Variants in ZSWIM4 observed in about 807,000 individuals in gnomAD.
ZSWIM4 encodes zinc finger SWIM domain-containing protein 4.
A neutral mutation model predicts 102.5 loss-of-function variants in ZSWIM4; 62 were observed. The ratio of observed to expected loss-of-function variants is 0.60; its 90% CI spans 0.49 to 0.75. The LOEUF (loss-of-function observed/expected upper bound fraction) is 0.75, where lower values mean the gene tolerates loss of function less well. Among genes scored for constraint, ZSWIM4 ranks in the 30% least tolerant of loss-of-function variants. The pLI is 0.00. For synonymous variants in ZSWIM4, 652 were observed against 674.5 expected, an observed-to-expected ratio of 0.97 and a Z score of 0.52; for missense variants, 1,280 against 1,529.6, an observed-to-expected ratio of 0.84 and a Z score of 2.72.
At chr19:13,822,738 G>A (rs12104426) in intron 10 of ZSWIM4, among the ~76,000 whole-genome samples, 1,826 of 152,246 alleles carry the variant, frequency 0.012, 33 homozygotes, top group African/African-American at 0.042. Context: ...CCAGTACTTT[G>A]GGAGGCCGAG....
At chr19:13,799,957 A>T in intron 2 of ZSWIM4, 36 bp downstream of exon 2, 1 of 1,586,316 alleles carries the variant, frequency 6.3e-7, no homozygotes, top group Non-Finnish European at 8.6e-7. Flanking sequence ...TGGGGAGGCC[A>T]GGAGGTCCAT....
At chr19:13,830,163 C>G in intron 13 of ZSWIM4, 28 bp from the exon 14 acceptor site, 1 of 1,595,388 alleles carries the variant, frequency 6.3e-7, no homozygotes, top group Admixed American at 1.7e-5. Flanking sequence ...CCGCTCCTGA[C>G]GGATTTCCCT....
rs1253483475 is a variant in ZSWIM4 at position 13,802,219 on chromosome 19, G to A, written c.355+2298G>A. ...TCTCGATCTCCTGACCTAGTGATCCGCCCGCCTCAGCCTCCTACAGTGCTG... is the reference window on the plus strand; with the variant it reads ...TCTCGATCTCCTGACCTAGTGATCCACCCGCCTCAGCCTCCTACAGTGCTG... On this transcript the variant is annotated intron_variant, in intron 2 of 13. Coordinates refer to ENST00000590508, the MANE Select transcript of ZSWIM4 (RefSeq NM_001367834.3). Among the ~76,000 whole-genome samples the A allele has an allele frequency of 6.7e-3, 981 of 145,884 alleles. 9 individuals are homozygous for A. The highest frequency in any genetic ancestry group is 0.023 in the African/African-American group (910 of 39,514).
intron 11 of ZSWIM4, among the ~76,000 whole-genome samples, chr19:13,823,874 C>T (rs1204036462): frequency 6.6e-6 from 1 of 152,132 alleles, no homozygotes; most frequent in Non-Finnish European, 1.5e-5. Flanking sequence ...CCAGAGACTG[C>T]GTGACTTCAA....
chr19:13,800,042 AG>A, intron 2 of ZSWIM4, 121 bp downstream of exon 2: 2 of 746,974 alleles, frequency 2.7e-6, no homozygotes, highest in Non-Finnish European at 4.2e-6. Context: ...TCAGGCTTCG[AG>A]GCCCAGATAG....
At position 13,817,363 on chromosome 19, in the gene ZSWIM4, T is replaced by A; in HGVS notation, c.1669+10T>A. 1 of 1,608,984 alleles carries A rather than the reference T, an allele frequency of 6.2e-7. No homozygotes were observed. Among genetic ancestry groups the A allele is most frequent in the Non-Finnish European group, 8.5e-7 (1 of 1,176,326 alleles). ...CTTACCCTTTACCCAGGTACTCACATGGGGTACTCTTGGAGGAGGTGGGAC... is the reference window on the plus strand; with the variant it reads ...CTTACCCTTTACCCAGGTACTCACAAGGGGTACTCTTGGAGGAGGTGGGAC... On this transcript the variant is annotated intron_variant, in intron 8 of 13. Coordinates refer to ENST00000590508, the MANE Select transcript of ZSWIM4 (RefSeq NM_001367834.3).
chr19:13,826,257 G>A (rs1174896990), intron 12 of ZSWIM4, among the ~76,000 whole-genome samples: 1 of 152,056 alleles, frequency 6.6e-6, no homozygotes, highest in Non-Finnish European at 1.5e-5. Context: ...GCGGAGCCTG[G>A]GGGTGGGGCC....
chr19:13,797,052 A>G (rs944996502), intron 1 of ZSWIM4: 2 of 152,200 alleles, frequency 1.3e-5, no homozygotes, highest in East Asian at 1.9e-4. Context: ...GGGCCCCTTC[A>G]TTGCATGTGA....
Position 13,825,012 on chromosome 19 carries a change from G to A in ZSWIM4, c.2216-538G>A, listed in dbSNP as rs866504998. ...ACCAATGCCCTTGAGATGAGGGAGA[G>A]GTCCATAGGATCCCTAGGTGGCTTT... On this transcript the variant is annotated intron_variant, in intron 11 of 13. Coordinates refer to ENST00000590508, the MANE Select transcript of ZSWIM4 (RefSeq NM_001367834.3). This position sits in a 1 kb window ranked among gnomAD's most constrained non-coding sequence, Gnocchi z 4.6. Among the ~76,000 whole-genome samples, 10 of 151,328 alleles carry A rather than the reference G, an allele frequency of 6.6e-5. No individual in the cohort carries two copies. Among genetic ancestry groups the A allele is most frequent in the Non-Finnish European group, 1.3e-4 (9 of 67,862 alleles).
intron 2 of ZSWIM4, among the ~76,000 whole-genome samples, chr19:13,800,654 A>G (rs1439778411): frequency 3.4e-5 from 5 of 147,512 alleles, no homozygotes; most frequent in African/African-American, 7.4e-5. Context: ...TGATCCCCCC[A>G]CCTCGGCCTC....
chr19:13,814,664 G>A lies in ZSWIM4; in HGVS notation c.1330G>A (p.Val444Met), dbSNP rs373142045. ...CTACGGGCCCAGCCTCACAGGCAGC[G>A]TGGGTGGGGACAAACCGACTTTCGA... is the stretch of plus-strand genomic sequence containing the variant. The part of the protein sequence containing the change: ...DSYGPSLTGS[V>M]GGDKPTFDPQ... Residue 444 changes from valine to methionine, a missense_variant, in exon 7 of 14, where the codon GTG (valine) becomes ATG (methionine). Physicochemically the swap from Val to Met is conservative, Grantham distance 21 (BLOSUM62 1). Transcript: ENST00000590508. 3.9e-6 allele frequency: 5 copies of A among 1,276,804 alleles called. No individual in the cohort carries two copies. Among genetic ancestry groups the A allele is most frequent in the African/African-American group, 1.5e-5 (1 of 65,572 alleles). The allele number at this position is 1,276,804 out of a possible 1,614,324, so 79.1% of individuals were successfully genotyped here. A position where few individuals can be genotyped will look rare whatever the true frequency, so the allele number is the denominator to read the frequency against.
intron 10 of ZSWIM4, among the ~76,000 whole-genome samples, chr19:13,822,979 CA>C (rs113776275): frequency 0.017 from 1,869 of 112,808 alleles, 25 homozygotes; most frequent in African/African-American, 0.05. Flanking sequence ...AACTCCGTCT[CA>C]AAAAAAAAAA....
chr19:13,825,284 C>T lies in ZSWIM4; in HGVS notation c.2216-266C>T, dbSNP rs902998394. Among the ~76,000 whole-genome samples, 20 of 152,248 alleles carry T rather than the reference C, an allele frequency of 1.3e-4. No homozygotes were observed. The highest frequency in any genetic ancestry group is 4.6e-4 in the African/African-American group (19 of 41,536). On this transcript the variant is annotated intron_variant, in intron 11 of 13. Coordinates refer to ENST00000590508, the MANE Select transcript of ZSWIM4 (RefSeq NM_001367834.3). This position sits in a 1 kb window ranked among gnomAD's most constrained non-coding sequence, Gnocchi z 4.6. ...CCTCGTGATCCACCCACCTCAGCCT[C>T]CCAAAGTGCTGGGATTACAGGTGTG...
intron 12 of ZSWIM4, among the ~76,000 whole-genome samples, chr19:13,827,344 C>T (rs1599617708): frequency 6.6e-6 from 1 of 151,598 alleles, no homozygotes; most frequent in Non-Finnish European, 1.5e-5. Flanking sequence ...GTGGTTCACA[C>T]CTGTAATCCC....
At position 13,830,971 on chromosome 19, in the gene ZSWIM4, C is replaced by T; in HGVS notation, c.3242C>T (p.Ser1081Leu). Residue 1081 changes from serine to leucine, a missense_variant, in exon 14 of 14, where the codon TCA (serine) becomes TTA (leucine). By Grantham distance (145) the Ser-to-Leu change is moderately radical. Coordinates refer to ENST00000590508, the MANE Select transcript of ZSWIM4 (RefSeq NM_001367834.3). ...GCGCCCGACGGGCACCTCCAGTTCT[C>T]ACAGTTCTTGGAGAACCTCAAACAG... Reference protein sequence around the residue: ...LLAPDGHLQFSQFLENLKQTY... With the variant: ...LLAPDGHLQFLQFLENLKQTY... The T allele has an allele frequency of 1.2e-6, 2 of 1,613,970 alleles. No individual in the cohort carries two copies. The highest frequency in any genetic ancestry group is 1.7e-6 in the Non-Finnish European group (2 of 1,179,978).
intron 1 of ZSWIM4, among the ~76,000 whole-genome samples, chr19:13,798,708 T>A (rs1363154771): frequency 6.6e-6 from 1 of 152,232 alleles, no homozygotes; most frequent in African/African-American, 2.4e-5. Flanking sequence ...CTGAGAATAC[T>A]GAGGCCAAGT....
At chr19:13,827,239 A>G (rs1391118708) in intron 12 of ZSWIM4, among the ~76,000 whole-genome samples, 2 of 151,580 alleles carry the variant, frequency 1.3e-5, no homozygotes, top group Admixed American at 6.6e-5. Context: ...GCAGTGAGCT[A>G]TGATCGCGCC....
intron 2 of ZSWIM4, 89 bp from the exon 3 acceptor site, chr19:13,804,703 C>G: frequency 1.8e-6 from 2 of 1,083,808 alleles, no homozygotes; most frequent in Non-Finnish European, 2.7e-6. Flanking sequence ...AGTGACTCGG[C>G]TGGGCTTTGC....
intron 11 of ZSWIM4, 34 bp downstream of exon 11, chr19:13,823,534 T>C: frequency 6.5e-7 from 1 of 1,547,532 alleles, no homozygotes. Context: ...TCCTTTGTCT[T>C]CCTCCTCTGT....
Sources: gnomAD v4.1 joint callset for allele counts (sites outside exome capture counted in the v4.1 genomes callset) on GRCh38, gnomAD v4.1.1 for gene constraint, Gnocchi (gnomAD v3.1) non-coding constraint, MANE v1.5 for transcripts, NCBI Gene and HGNC (gene_info 2026-07-23, HGNC 2026-07-21) for gene names.